Variants in RPL31 observed in about 807,000 individuals in gnomAD.
RPL31 encodes large ribosomal subunit protein eL31.
For synonymous variants in RPL31, 51 were observed against 55.0 expected, an observed-to-expected ratio of 0.93 and a Z score of 0.32; for missense variants, 95 against 164.0, an observed-to-expected ratio of 0.58 and a Z score of 2.30.
rs1678724903 is a variant in RPL31, at chr2:101,006,152, G to A, written c.346+81G>A. 2.6e-6 allele frequency: 4 copies of A among 1,557,214 alleles called. No individual in the cohort carries two copies. The Admixed American group carries it at 8.0e-5, about 31-fold the overall frequency. On this transcript the variant is annotated intron_variant, in intron 4 of 4. Transcript: ENST00000264258. Reference sequence around the variant, plus strand: ...CTTAAAATGTGAATTCATCTGTTAAGCTAGGGGTGACACACGTCATTGTAC... The same window carrying A: ...CTTAAAATGTGAATTCATCTGTTAAACTAGGGGTGACACACGTCATTGTAC...
downstream of RPL31, chr2:101,011,099 G>C (rs1452497269): frequency 7.0e-7 from 1 of 1,422,598 alleles, no homozygotes; most frequent in Non-Finnish European, 9.8e-7. Flanking sequence ...AACTATGTAG[G>C]AGAGAGGAGC....
Position 101,002,818 on chromosome 2 carries a change from C to T in RPL31, c.107+10C>T, listed in dbSNP as rs761232621. 1 of 1,598,958 alleles carries T rather than the reference C, an allele frequency of 6.3e-7. No homozygotes were observed. Among genetic ancestry groups the T allele is most frequent in the Non-Finnish European group, 8.6e-7 (1 of 1,166,254 alleles). The stretch of plus-strand genomic sequence containing the variant: ...AGCGCATCCATGGAGTGTGAGTATC[C>T]CTCTAGCCGCCCTGGGTCTCGAACT... On this transcript the variant is annotated intron_variant, in intron 2 of 4. Coordinates refer to ENST00000264258, the MANE Select transcript of RPL31 (RefSeq NM_000993.5).
chr2:101,008,513 C>CA (rs933709251), downstream of RPL31, among the ~76,000 whole-genome samples: 1 of 152,158 alleles, frequency 6.6e-6, no homozygotes, highest in African/African-American at 2.4e-5. Context: ...TTTAACAAAG[C>CA]AATTCAAGAA....
At chr2:101,007,840 A>C (rs763442121), downstream of RPL31, 17 of 1,613,556 alleles carry the variant, frequency 1.1e-5, no homozygotes, top group East Asian at 3.8e-4. Flanking sequence ...ACTCAGCTTA[A>C]GTTCAGATTG....
chr2:101,014,921 T>A (rs1279579843), intron 4 of RPL31, among the ~76,000 whole-genome samples: 1 of 152,208 alleles, frequency 6.6e-6, no homozygotes, highest in Non-Finnish European at 1.5e-5. Flanking sequence ...TCCCATTCCA[T>A]AATGCTTGTA....
chr2:101,004,155 T>C lies in RPL31; in HGVS notation c.108-3T>C. The C allele has an allele frequency of 6.2e-7, 1 of 1,613,280 alleles. No individual in the cohort carries two copies. The highest frequency in any genetic ancestry group is 8.5e-7 in the Non-Finnish European group (1 of 1,179,676). On this transcript the variant is annotated splice_region_variant and splice_polypyrimidine_tract_variant and intron_variant, in intron 2 of 4. Transcript: ENST00000264258. The stretch of plus-strand genomic sequence containing the variant: ...AATTTGTTCACTTATGTTTGAATCG[T>C]AGGGGCTTCAAGAAGCGTGCACCTC...
chr2:101,011,496 G>A (rs772352290), downstream of RPL31: 1 of 1,613,932 alleles, frequency 6.2e-7, no homozygotes. Context: ...GACAACAGAG[G>A]ATTCCTCAAC....
downstream of RPL31, chr2:101,011,335 C>T (rs77380413): frequency 1.6e-3 from 1,742 of 1,084,482 alleles, 22 homozygotes; most frequent in East Asian, 0.029. Context: ...GGGGATAATT[C>T]ATTGGACGAA....
In RPL31 at chr2:101,019,182, C is replaced by T. The variant is rs1254765234; in HGVS notation, c.*144C>T. ...GGCAGAGGGCCAGGCCTGTTCTACA[C>T]GGCCGGGGTTTCAACAAGGTACTGA... On this transcript the variant is annotated 3_prime_UTR_variant, in exon 5 of 5. Transcript: ENST00000409028. 2.1e-5 allele frequency: 24 copies of T among 1,126,594 alleles called. No homozygotes were observed. In the East Asian group the frequency reaches 4.2e-4, roughly 20 times the overall value. The allele number at this position is 1,126,594 out of a possible 1,614,324, so 69.8% of individuals were successfully genotyped here.
intron 4 of RPL31, among the ~76,000 whole-genome samples, chr2:101,014,428 A>G (rs1184619019): frequency 2.6e-5 from 4 of 152,210 alleles, no homozygotes; most frequent in Non-Finnish European, 5.9e-5. Flanking sequence ...ACTGGAATCT[A>G]AACTACCATT....
chr2:101,011,277 G>C (rs1679187940), downstream of RPL31: 8 of 731,244 alleles, frequency 1.1e-5, no homozygotes, highest in Non-Finnish European at 1.5e-5. Flanking sequence ...CAGCCACCCA[G>C]CAACACCCCC....
chr2:101,016,468 T>C (rs1679644204), intron 4 of RPL31, among the ~76,000 whole-genome samples: 1 of 152,188 alleles, frequency 6.6e-6, no homozygotes, highest in Admixed American at 6.5e-5. Context: ...ACTTTTACAC[T>C]GTTGGTGGGA....
chr2:101,008,251 T>C, downstream of RPL31: 1 of 1,553,196 alleles, frequency 6.4e-7, no homozygotes, highest in Non-Finnish European at 8.7e-7. Flanking sequence ...GTACAGAGTT[T>C]TACAGAACTG....
At chr2:101,008,230 T>G, downstream of RPL31, 2 of 1,596,046 alleles carry the variant, frequency 1.3e-6, no homozygotes, top group Middle Eastern at 3.4e-4. Flanking sequence ...TGGATCTTCA[T>G]GGAACATACT....
intron 4 of RPL31, 27 bp from the exon 5 acceptor site, chr2:101,006,323 G>C: frequency 6.2e-7 from 1 of 1,605,902 alleles, no homozygotes; most frequent in Non-Finnish European, 8.5e-7. Flanking sequence ...ATGTGGGTAT[G>C]GAAATTGACT....
At chr2:101,007,693 C>T (rs1383878655), downstream of RPL31, 1 of 946,226 alleles carries the variant, frequency 1.1e-6, no homozygotes, top group African/African-American at 1.6e-5. Context: ...CACAGTTTGT[C>T]AGGTTGTTTA....
At chr2:101,002,933 A>ATTTT (rs1678595093) in intron 2 of RPL31, 125 bp downstream of exon 2, 1 of 701,976 alleles carries the variant, frequency 1.4e-6, no homozygotes, top group Non-Finnish European at 2.5e-6. Flanking sequence ...TTCATTGGCA[A>ATTTT]TTTAACAAAT....
intron 4 of RPL31, chr2:101,018,105 C>G (rs147723276): frequency 5.8e-5 from 34 of 590,630 alleles, no homozygotes; most frequent in Non-Finnish European, 9.5e-5. Flanking sequence ...CCAATCAACA[C>G]TTTTTCATAT....
chr2:101,011,727 T>G (rs1679229775), downstream of RPL31, among the ~76,000 whole-genome samples: 1 of 152,054 alleles, frequency 6.6e-6, no homozygotes. Flanking sequence ...AAATAAAATG[T>G]CCCCCACACC....
Sources: allele counts gnomAD v4.1 joint callset (sites outside exome capture counted in the v4.1 genomes callset), GRCh38; gene constraint gnomAD v4.1.1; transcripts MANE v1.5; gene names NCBI Gene and HGNC (gene_info 2026-07-23, HGNC 2026-07-21).